Variants in ALKBH5 observed in about 807,000 individuals in gnomAD.
ALKBH5 encodes the protein RNA demethylase ALKBH5.
A neutral mutation model predicts 32.1 loss-of-function variants in ALKBH5; 2 were observed. The ratio of observed to expected loss-of-function variants is 0.06; its 90% CI spans 0.03 to 0.20. ALKBH5 has a LOEUF of 0.20. ALKBH5 is among the 10% of genes least tolerant of loss of function. The pLI, the probability that ALKBH5 is intolerant of heterozygous loss-of-function variation, is 1.00. For missense variants in ALKBH5, 352 were observed against 559.5 expected (o/e 0.63, Z 3.74); for synonymous variants, 300 against 231.7 (o/e 1.29, Z -2.68).
In ALKBH5 at chr17:18,184,462, G is replaced by A. The variant is rs765718954; in HGVS notation, c.219G>A (p.Glu73=). The part of the protein sequence containing the change: ...DSDPERSDYE[E]QQLQKEEEAR... ...ACCCCGAGCGCAGCGACTATGAGGA[G>A]CAGCAGCTGCAGAAGGAGGAGGAGG... Residue 73 remains glutamate (E), a synonymous_variant, in exon 1 of 4, where the codon GAG becomes GAA. Coordinates refer to ENST00000399138, the MANE Select transcript of ALKBH5 (RefSeq NM_017758.4). 4 of 1,611,862 alleles carry A rather than the reference G, an allele frequency of 2.5e-6. No individual in the cohort carries two copies. Among genetic ancestry groups the A allele is most frequent in the Admixed American group, 3.3e-5 (2 of 59,742 alleles).
chr17:18,187,087 G>T (rs1344322055), intron 1 of ALKBH5, among the ~76,000 whole-genome samples: 1 of 152,078 alleles, frequency 6.6e-6, no homozygotes, highest in African/African-American at 2.4e-5. Context: ...TTCCCTTCGT[G>T]TAGTTCAAGC....
intron 1 of ALKBH5, among the ~76,000 whole-genome samples, chr17:18,185,258 A>G (rs920235605): frequency 2.6e-5 from 4 of 152,086 alleles, no homozygotes; most frequent in African/African-American, 9.7e-5. Flanking sequence ...TTGGCTGAGA[A>G]TTCATCGAAA....
At chr17:18,192,309 C>T (rs2047180783) in intron 1 of ALKBH5, among the ~76,000 whole-genome samples, 1 of 152,162 alleles carries the variant, frequency 6.6e-6, no homozygotes, top group Non-Finnish European at 1.5e-5. Flanking sequence ...TGCAGGTAGG[C>T]CTCTCACCAC....
At chr17:18,192,198 C>T (rs2142474210) in intron 1 of ALKBH5, among the ~76,000 whole-genome samples, 1 of 152,282 alleles carries the variant, frequency 6.6e-6, no homozygotes, top group South Asian at 2.1e-4. Flanking sequence ...CTGGCTTGCC[C>T]CAGGATAGTC....
chr17:18,194,870 G>A (rs1208582602), intron 1 of ALKBH5, 85 bp from the exon 2 acceptor site: 3 of 1,138,660 alleles, frequency 2.6e-6, no homozygotes, highest in Non-Finnish European at 1.3e-6. Flanking sequence ...TAAGACCTAG[G>A]CCATGTTCCT....
chr17:18,188,901 T>C (rs2047156093), intron 1 of ALKBH5, among the ~76,000 whole-genome samples: 1 of 151,962 alleles, frequency 6.6e-6, no homozygotes, highest in Non-Finnish European at 1.5e-5. Flanking sequence ...ACCCCATCTC[T>C]ACTAAAAATA....
intron 2 of ALKBH5, among the ~76,000 whole-genome samples, chr17:18,195,344 A>G (rs990687662): frequency 2.0e-5 from 3 of 152,178 alleles, no homozygotes; most frequent in African/African-American, 7.2e-5. Flanking sequence ...CTTAGCCTCT[A>G]TTCCTCACCT....
intron 1 of ALKBH5, among the ~76,000 whole-genome samples, chr17:18,191,272 G>C (rs2047172960): frequency 6.6e-6 from 1 of 152,190 alleles, no homozygotes; most frequent in African/African-American, 2.4e-5. Context: ...CGGATATTCT[G>C]AGGAAAGGGT....
rs771220641 is a variant in ALKBH5 at position 18,184,360 on chromosome 17, CGCCGCAGCCGCA to C, written c.123_134del (p.Ala45_Ala48del). The C allele has an allele frequency of 6.6e-7, 1 of 1,516,606 alleles. No individual in the cohort carries two copies. The allele number at this position is 1,516,606 out of a possible 1,614,324, so 93.9% of individuals were successfully genotyped here. Reference sequence around the variant, plus strand: ...CCGCCGCTGCCGCAGCCGCCGTAGCCGCCGCAGCCGCAGCCGCCGCTGCCGCCGAACCTTACC... The same window carrying C: ...CCGCCGCTGCCGCAGCCGCCGTAGCCGCCGCCGCTGCCGCCGAACCTTACC... On this transcript the variant is annotated inframe_deletion, in exon 1 of 4. Coordinates refer to ENST00000399138, the MANE Select transcript of ALKBH5 (RefSeq NM_017758.4).
intron 2 of ALKBH5, among the ~76,000 whole-genome samples, chr17:18,203,307 C>G (rs920273640): frequency 1.3e-5 from 2 of 152,172 alleles, no homozygotes; most frequent in East Asian, 3.9e-4. Context: ...TAGCTTTGCT[C>G]TCCAGTCCCT....
chr17:18,207,838 A>G (rs2047278617), intron 3 of ALKBH5, among the ~76,000 whole-genome samples: 1 of 152,064 alleles, frequency 6.6e-6, no homozygotes, highest in Non-Finnish European at 1.5e-5. Flanking sequence ...TGGGGTTAGT[A>G]AGTGGAGAAG....
At position 18,185,151 on chromosome 17, in the gene ALKBH5, G is replaced by A. The variant is rs933445276; in HGVS notation, c.770+138G>A. On this transcript the variant is annotated intron_variant, in intron 1 of 3. Transcript: ENST00000399138. Reference sequence around the variant, plus strand: ...CTTCTGTTTGTAGATTGTAGGGAGCGAGAGAAGGGTTTTGTGTTTAAGATA... The same window carrying A: ...CTTCTGTTTGTAGATTGTAGGGAGCAAGAGAAGGGTTTTGTGTTTAAGATA... The A allele has an allele frequency of 4.2e-6, 6 of 1,423,480 alleles. No individual in the cohort carries two copies. The African/African-American group carries it at 4.3e-5, about 10-fold the overall frequency. 88.2% of individuals were successfully genotyped at this position (1,423,480 alleles called of 1,614,324 possible). A position where few individuals can be genotyped will look rare whatever the true frequency, so the allele number is the denominator to read the frequency against.
rs1474016096 is a variant in ALKBH5 at position 18,184,376 on chromosome 17, G to A, written c.133G>A (p.Ala45Thr). ...AAAVAAAAAA[A>T]AAAEPYPVSG... ...CGCCGTAGCCGCCGCAGCCGCAGCCGCCGCTGCCGCCGAACCTTACCCTGT... is the reference window on the plus strand; with the variant it reads ...CGCCGTAGCCGCCGCAGCCGCAGCCACCGCTGCCGCCGAACCTTACCCTGT... Residue 45 changes from alanine to threonine, a missense_variant, in exon 1 of 4, where the codon GCC (alanine) becomes ACC (threonine). Transcript: ENST00000399138. 1.3e-6 allele frequency: 2 copies of A among 1,517,660 alleles called. No individual in the cohort carries two copies. Among genetic ancestry groups the A allele is most frequent in the South Asian group, 1.2e-5 (1 of 80,538 alleles). 94.0% of individuals were successfully genotyped at this position (1,517,660 alleles called of 1,614,324 possible).
intron 2 of ALKBH5, among the ~76,000 whole-genome samples, chr17:18,198,831 G>A (rs552316030): frequency 6.6e-6 from 1 of 152,314 alleles, no homozygotes; most frequent in East Asian, 1.9e-4. Flanking sequence ...TTCTTACGGG[G>A]AGGCTGGAAG....
chr17:18,193,472 G>A (rs1477438805), intron 1 of ALKBH5, among the ~76,000 whole-genome samples: 4 of 151,816 alleles, frequency 2.6e-5, no homozygotes, highest in Non-Finnish European at 5.9e-5. Context: ...GCTTGAACCC[G>A]GTAGGCAGAG....
At chr17:18,206,555 AG>A in intron 2 of ALKBH5, 1 of 376,854 alleles carries the variant, frequency 2.7e-6, no homozygotes, top group South Asian at 4.2e-5. Flanking sequence ...TCTTGCCCCT[AG>A]GGTAGCACAG....
At position 18,183,864 on chromosome 17, in the gene ALKBH5, G is replaced by C. The variant is rs1358019507; in HGVS notation, c.-380G>C. 8.5e-6 allele frequency: 3 copies of C among 353,208 alleles called. No individual in the cohort carries two copies. Among genetic ancestry groups the C allele is most frequent in the African/African-American group, 2.3e-5 (1 of 44,344 alleles). 21.9% of individuals were successfully genotyped at this position (353,208 alleles called of 1,614,324 possible). Reference sequence around the variant, plus strand: ...TAAGGAGCGGCGCTGGCGGACGTCGGGCTGGCTGCCCGTGACGTCGTGCGG... The same window carrying C: ...TAAGGAGCGGCGCTGGCGGACGTCGCGCTGGCTGCCCGTGACGTCGTGCGG... On this transcript the variant is annotated 5_prime_UTR_variant, in exon 1 of 4. Transcript: ENST00000399138.
intron 1 of ALKBH5, among the ~76,000 whole-genome samples, chr17:18,188,776 A>G (rs2142470374): frequency 6.6e-6 from 1 of 152,316 alleles, no homozygotes; most frequent in Non-Finnish European, 1.5e-5. Flanking sequence ...GGCCATAAAA[A>G]TTTCAGAGCT....
chr17:18,185,209 A>T (rs1403686511), intron 1 of ALKBH5, among the ~76,000 whole-genome samples, 196 bp downstream of exon 1: 1 of 152,144 alleles, frequency 6.6e-6, no homozygotes, highest in East Asian at 1.9e-4. Flanking sequence ...CCGATGTGGA[A>T]ATCCTGTCCC....
Sources: allele counts gnomAD v4.1 joint callset (sites outside exome capture counted in the v4.1 genomes callset), GRCh38; gene constraint gnomAD v4.1.1; transcripts MANE v1.5; gene names NCBI Gene and HGNC (gene_info 2026-07-23, HGNC 2026-07-21).